CAMKMT: variants seen among roughly 807,000 people sequenced by gnomAD.
CAMKMT encodes the protein calmodulin-lysine N-methyltransferase.
Under a neutral mutation model 48.0 loss-of-function variants are expected in CAMKMT, and 53 were observed. The ratio of observed to expected loss-of-function variants is 1.10; its 90% CI spans 0.89 to 1.39. The LOEUF (loss-of-function observed/expected upper bound fraction) is 1.39, where lower values mean the gene tolerates loss of function less well. CAMKMT is among the 40% of genes most tolerant of loss of function. CAMKMT has a pLI of 0.00. For missense variants in CAMKMT, 428 were observed against 402.7 expected, an observed-to-expected ratio of 1.06 and a Z score of -0.54; for synonymous variants, 165 against 152.3, an observed-to-expected ratio of 1.08 and a Z score of -0.61.
chr2:44,486,336 G>A (rs984028382), intron 3 of CAMKMT, among the ~76,000 whole-genome samples: 13 of 152,222 alleles, frequency 8.5e-5, no homozygotes, highest in Admixed American at 8.5e-4. Context: ...TATGTACATT[G>A]TACTTCAGTA....
At chr2:44,376,346 G>T (rs1679690887) in intron 2 of CAMKMT, among the ~76,000 whole-genome samples, 1 of 151,794 alleles carries the variant, frequency 6.6e-6, no homozygotes. Flanking sequence ...GCTTGAACGT[G>T]GGAGGTGGAG....
In CAMKMT at chr2:44,503,984, G is replaced by GGGGAGA. The variant is rs1553404272; in HGVS notation, c.376+113680_376+113681insGGAGAG. Among the ~76,000 whole-genome samples, 10 of 142,596 alleles carry GGGGAGA rather than the reference G, an allele frequency of 7.0e-5. 1 individual carries two copies. Among genetic ancestry groups the GGGGAGA allele is most frequent in the Non-Finnish European group, 1.2e-4 (8 of 66,442 alleles). 93.5% of individuals were successfully genotyped at this position (142,596 alleles called of 152,430 possible). A position where few individuals can be genotyped will look rare whatever the true frequency, so the allele number is the denominator to read the frequency against. ...AAAGAGAGAGGGGAAGAGCGGGTGG[G>GGGGAGA]GAGAGAGAGAGAGAGAGAGAGAGAA... On this transcript the variant is annotated intron_variant, in intron 3 of 10. Coordinates refer to ENST00000378494, the MANE Select transcript of CAMKMT (RefSeq NM_024766.5).
intron 3 of CAMKMT, among the ~76,000 whole-genome samples, chr2:44,463,221 C>G (rs1237058555): frequency 6.6e-6 from 1 of 152,168 alleles, no homozygotes; most frequent in African/African-American, 2.4e-5. Context: ...GTAATGTCAG[C>G]AAGAATAGGA....
At chr2:44,387,437 ATAGT>A (rs534505899) in intron 2 of CAMKMT, among the ~76,000 whole-genome samples, 92 of 152,244 alleles carry the variant, frequency 6.0e-4, no homozygotes, top group African/African-American at 2.0e-3. Context: ...AAGGCAGCAG[ATAGT>A]TGGTTGGTGA....
At chr2:44,511,618 A>G in intron 3 of CAMKMT, among the ~76,000 whole-genome samples, 1 of 152,128 alleles carries the variant, frequency 6.6e-6, no homozygotes, top group East Asian at 1.9e-4. Flanking sequence ...GCTGACTAGT[A>G]TTTCACGTCC....
chr2:44,562,496 C>T (rs1240380035), intron 3 of CAMKMT, among the ~76,000 whole-genome samples: 1 of 152,080 alleles, frequency 6.6e-6, no homozygotes, highest in Non-Finnish European at 1.5e-5. Flanking sequence ...AATGATGAAA[C>T]CAAGGCTTAG....
At chr2:44,537,471 T>C (rs1397939243) in intron 3 of CAMKMT, among the ~76,000 whole-genome samples, 4 of 152,270 alleles carry the variant, frequency 2.6e-5, no homozygotes, top group African/African-American at 7.2e-5. Context: ...CAATGAGATA[T>C]TGTTGTATCT....
intron 3 of CAMKMT, among the ~76,000 whole-genome samples, chr2:44,470,517 GT>G (rs1340834510): frequency 6.6e-6 from 1 of 152,046 alleles, no homozygotes; most frequent in Non-Finnish European, 1.5e-5. Context: ...CTTCCCACCT[GT>G]TTGTATTTTG....
intron 2 of CAMKMT, among the ~76,000 whole-genome samples, chr2:44,382,865 G>T (rs1181357501): frequency 1.3e-5 from 2 of 152,174 alleles, no homozygotes; most frequent in Non-Finnish European, 2.9e-5. Flanking sequence ...TATGGAAAGG[G>T]TAATACAGTT....
At chr2:44,729,379 C>T (rs1678962944) in intron 7 of CAMKMT, among the ~76,000 whole-genome samples, 1 of 152,010 alleles carries the variant, frequency 6.6e-6, no homozygotes. Flanking sequence ...GTCTGTGTGT[C>T]AGGAGTAGTA....
intron 3 of CAMKMT, among the ~76,000 whole-genome samples, chr2:44,453,492 C>T (rs992706609): frequency 6.6e-6 from 1 of 152,052 alleles, no homozygotes; most frequent in Non-Finnish European, 1.5e-5. Flanking sequence ...AGTGCTTTGA[C>T]AGCCCATTAC....
At position 44,520,028 on chromosome 2, in the gene CAMKMT, G is replaced by A. The variant is rs1202979983; in HGVS notation, c.376+129723G>A. ...AGATCGAAACCATCCTGGCTAACAC[G>A]GTGAAACCCTGTCTCAACTAAAAAT... is the stretch of plus-strand genomic sequence containing the variant. On this transcript the variant is annotated intron_variant, in intron 3 of 10. Transcript: ENST00000378494. Among the ~76,000 whole-genome samples the A allele has an allele frequency of 2.7e-5, 4 of 150,544 alleles. No individual in the cohort carries two copies. In the South Asian group the frequency reaches 8.5e-4, roughly 32 times the overall value.
At chr2:44,422,405 A>C (rs1216498110) in intron 3 of CAMKMT, among the ~76,000 whole-genome samples, 1 of 152,146 alleles carries the variant, frequency 6.6e-6, no homozygotes, top group African/African-American at 2.4e-5. Context: ...AATTTGCTGA[A>C]TATTGGGCAA....
At chr2:44,571,886 G>C (rs1244589429) in intron 3 of CAMKMT, among the ~76,000 whole-genome samples, 2 of 152,108 alleles carry the variant, frequency 1.3e-5, no homozygotes, top group Non-Finnish European at 2.9e-5. Context: ...TACTTGAGAT[G>C]ATATTAACAT....
At chr2:44,416,625 G>T (rs1410571846) in intron 3 of CAMKMT, among the ~76,000 whole-genome samples, 1 of 135,572 alleles carries the variant, frequency 7.4e-6, no homozygotes, top group Admixed American at 8.3e-5. Flanking sequence ...CTAGGCTGGA[G>T]TGCAATGGTG....
chr2:44,617,123 C>G (rs1428353417), intron 3 of CAMKMT, among the ~76,000 whole-genome samples: 2 of 152,146 alleles, frequency 1.3e-5, no homozygotes, highest in Non-Finnish European at 2.9e-5. Flanking sequence ...AATACCCACA[C>G]AAGAGACTGA....
At chr2:44,610,056 C>A (rs958179084) in intron 3 of CAMKMT, among the ~76,000 whole-genome samples, 1 of 152,134 alleles carries the variant, frequency 6.6e-6, no homozygotes, top group Non-Finnish European at 1.5e-5. Context: ...ATAATGACCT[C>A]TTTTTCCCCA....
chr2:44,512,851 T>C (rs1670637614), intron 3 of CAMKMT, among the ~76,000 whole-genome samples: 1 of 114,164 alleles, frequency 8.8e-6, no homozygotes, highest in Non-Finnish European at 2.1e-5. Context: ...TCAAAGCAAA[T>C]AAAATAAATG....
At chr2:44,422,380 A>G (rs1345669883) in intron 3 of CAMKMT, among the ~76,000 whole-genome samples, 1 of 152,202 alleles carries the variant, frequency 6.6e-6, no homozygotes, top group Non-Finnish European at 1.5e-5. Context: ...ATGTTGACTA[A>G]CTTATGTAGA....
Sources: gnomAD v4.1 joint callset for allele counts (sites outside exome capture counted in the v4.1 genomes callset) on GRCh38, gnomAD v4.1.1 for gene constraint, MANE v1.5 for transcripts, NCBI Gene and HGNC (gene_info 2026-07-23, HGNC 2026-07-21) for gene names.